CFAP206: variants seen among roughly 807,000 people sequenced by gnomAD.
The protein encoded by CFAP206 is cilia- and flagella-associated protein 206.
Under a neutral mutation model 65.4 loss-of-function variants are expected in CFAP206, and 53 were observed. The observed-to-expected ratio is 0.81, with a 90% CI of 0.65 to 1.02. The LOEUF (loss-of-function observed/expected upper bound fraction) is 1.02. CFAP206 is among the 50% of genes least tolerant of loss of function. The pLI is 0.00. For synonymous variants in CFAP206, 250 were observed against 254.4 expected, an observed-to-expected ratio of 0.98 and a Z score of 0.17; for missense variants, 663 against 753.2, an observed-to-expected ratio of 0.88 and a Z score of 1.40.
chr6:87,458,631 T>C (rs186393427), intron 11 of CFAP206, among the ~76,000 whole-genome samples: 1 of 151,906 alleles, frequency 6.6e-6, no homozygotes, highest in South Asian at 2.1e-4. Flanking sequence ...GAAATGGAGA[T>C]AGCAGAATGA....
chr6:87,440,718 G>A (rs1228024547), intron 11 of CFAP206, among the ~76,000 whole-genome samples: 1 of 152,178 alleles, frequency 6.6e-6, no homozygotes, highest in Non-Finnish European at 1.5e-5. Flanking sequence ...GAAAATGGAG[G>A]TAAATTAGAT....
rs772499613 is a variant in CFAP206, at chr6:87,409,857, C to T, written c.18C>T (p.Ala6=). Residue 6 remains alanine, a synonymous_variant, in exon 2 of 13, where the codon GCC becomes GCT. Transcript: ENST00000369562. ...TAGCCAGAATGCCTCCAACTCAGGC[C>T]GAAAGTGTTATAAGGAGTATTATAC... The part of the protein sequence containing the change: MPPTQ[A]ESVIRSIIRE... The T allele has an allele frequency of 7.5e-6, 12 of 1,610,470 alleles. No individual in the cohort carries two copies. Among genetic ancestry groups the T allele is most frequent in the Middle Eastern group, 1.6e-4 (1 of 6,076 alleles).
At chr6:87,419,217 C>T (rs1003980203) in intron 7 of CFAP206, among the ~76,000 whole-genome samples, 9 of 151,820 alleles carry the variant, frequency 5.9e-5, no homozygotes, top group African/African-American at 1.5e-4. Context: ...CCTCCTGCCT[C>T]AGCTTCCCAA....
chr6:87,461,516 C>T (rs1768748830), intron 12 of CFAP206, among the ~76,000 whole-genome samples: 1 of 151,354 alleles, frequency 6.6e-6, no homozygotes, highest in South Asian at 2.1e-4. Flanking sequence ...GATATTTTCC[C>T]CTCAACAACA....
At chr6:87,411,957 T>A (rs1251734408) in intron 3 of CFAP206, among the ~76,000 whole-genome samples, 1 of 152,244 alleles carries the variant, frequency 6.6e-6, no homozygotes, top group Non-Finnish European at 1.5e-5. Context: ...TAAAGCTTGT[T>A]CTTAGCAATA....
At chr6:87,456,293 T>C (rs1353306778) in intron 11 of CFAP206, among the ~76,000 whole-genome samples, 1 of 152,006 alleles carries the variant, frequency 6.6e-6, no homozygotes, top group East Asian at 1.9e-4. Context: ...TATCAAATGC[T>C]GAAAAAGCAT....
At chr6:87,409,748 A>C (rs1188691992) in intron 1 of CFAP206, 87 bp from the exon 2 acceptor site, 2 of 820,448 alleles carry the variant, frequency 2.4e-6, no homozygotes, top group Non-Finnish European at 4.0e-6. Flanking sequence ...ACTGTTTACA[A>C]ATACAATATT....
rs1767837833 is a variant in CFAP206, at chr6:87,416,715, A to C, written c.519A>C (p.Leu173=). 6.2e-7 allele frequency: 1 copy of C among 1,613,274 alleles called. No homozygotes were observed. The highest frequency in any genetic ancestry group is 1.3e-5 in the African/African-American group (1 of 74,810). The change falls in exon 6 of 13, where the codon CTA becomes CTC. Residue 173 remains leucine, a synonymous_variant. Coordinates refer to ENST00000369562, the MANE Select transcript of CFAP206 (RefSeq NM_001031743.3). ...VFPQAELGTF[L]TLSKKDKERQ... ...CTCAGGCAGAGCTTGGGACATTTCT[A>C]ACTCTTTCTAAGAAGGACAAAGAAC... is the stretch of plus-strand genomic sequence containing the variant.
intron 9 of CFAP206, among the ~76,000 whole-genome samples, chr6:87,430,382 G>C (rs1471957731): frequency 6.6e-6 from 1 of 152,056 alleles, no homozygotes; most frequent in Non-Finnish European, 1.5e-5. Flanking sequence ...TATTCAGTTT[G>C]CTTATCAAAT....
At chr6:87,420,606 A>G (rs1222799783) in intron 7 of CFAP206, among the ~76,000 whole-genome samples, 2 of 152,220 alleles carry the variant, frequency 1.3e-5, no homozygotes, top group Non-Finnish European at 2.9e-5. Flanking sequence ...AGTCTTCACC[A>G]TGTAAATAAG....
At chr6:87,448,354 C>G (rs941367326) in intron 11 of CFAP206, among the ~76,000 whole-genome samples, 29 of 151,930 alleles carry the variant, frequency 1.9e-4, no homozygotes, top group African/African-American at 6.8e-4. Flanking sequence ...TTTCATGTGC[C>G]CTTAATTTTT....
intron 6 of CFAP206, among the ~76,000 whole-genome samples, 179 bp from the exon 7 acceptor site, chr6:87,418,028 AC>A (rs1434951508): frequency 1.3e-5 from 2 of 151,212 alleles, no homozygotes; most frequent in Non-Finnish European, 2.9e-5. Flanking sequence ...GTGAGCCACC[AC>A]CCCCGGCCTA....
intron 7 of CFAP206, among the ~76,000 whole-genome samples, chr6:87,423,761 A>G (rs984965972): frequency 1.3e-5 from 2 of 152,166 alleles, no homozygotes; most frequent in African/African-American, 4.8e-5. Context: ...CAAGAGACCT[A>G]TTTGATATAA....
chr6:87,408,238 C>G (rs112145549), intron 1 of CFAP206, 149 bp downstream of exon 1: 7,403 of 224,478 alleles, frequency 0.033, 586 homozygotes, highest in African/African-American at 0.16. Flanking sequence ...TTAGGCTGCG[C>G]CGCCGCAGAG....
intron 11 of CFAP206, chr6:87,441,760 C>A: frequency 4.6e-6 from 1 of 219,642 alleles, no homozygotes. Context: ...ACTGTTTCTT[C>A]CTAGAAATTC....
intron 11 of CFAP206, among the ~76,000 whole-genome samples, chr6:87,437,825 A>ATTTT (rs1206669821): frequency 1.9e-5 from 2 of 104,496 alleles, no homozygotes; most frequent in African/African-American, 3.7e-5. Flanking sequence ...TGCCTGGCTA[A>ATTTT]TTTTTTTTTT....
intron 12 of CFAP206, among the ~76,000 whole-genome samples, chr6:87,463,541 G>A (rs1459732473): frequency 1.3e-5 from 2 of 152,038 alleles, no homozygotes; most frequent in Non-Finnish European, 2.9e-5. Context: ...ATCTATAAAG[G>A]GAGTAAGCAA....
chr6:87,412,681 CAG>C (rs1767755409), intron 3 of CFAP206, among the ~76,000 whole-genome samples: 1 of 151,800 alleles, frequency 6.6e-6, no homozygotes, highest in Non-Finnish European at 1.5e-5. Flanking sequence ...TTTTTTGAGA[CAG>C]AGTCTCGCTC....
Position 87,422,681 on chromosome 6 carries a change from G to T in CFAP206, c.841-3845G>T, listed in dbSNP as rs1475934388. On this transcript the variant is annotated intron_variant, in intron 7 of 12. Coordinates refer to ENST00000369562, the MANE Select transcript of CFAP206 (RefSeq NM_001031743.3). ...CAGGAGAATCGCTTGAACGCGGAGG[G>T]TGGAGGCTGCAGTGAGCTGAGATTG... Among the ~76,000 whole-genome samples the T allele has an allele frequency of 3.3e-5, 5 of 151,216 alleles. No homozygotes were observed. In the East Asian group the frequency reaches 9.7e-4, roughly 29 times the overall value.
Sources: gnomAD v4.1 joint callset for allele counts (sites outside exome capture counted in the v4.1 genomes callset) on GRCh38, gnomAD v4.1.1 for gene constraint, MANE v1.5 for transcripts, NCBI Gene and HGNC (gene_info 2026-07-23, HGNC 2026-07-21) for gene names.